FGGY: variants seen among roughly 807,000 people sequenced by gnomAD.
FGGY encodes FGGY carbohydrate kinase domain-containing protein.
Under a neutral mutation model 71.3 loss-of-function variants are expected in FGGY, and 72 were observed. The observed-to-expected ratio is 1.01, with a 90% CI of 0.84 to 1.23. The LOEUF is 1.23. Among genes scored for constraint, FGGY ranks in the 50% most tolerant of loss-of-function variants. FGGY has a pLI of 0.00. For synonymous variants in FGGY, 251 were observed against 250.3 expected (o/e 1.00, Z -0.02); for missense variants, 668 against 682.3 (o/e 0.98, Z 0.23).
intron 14 of FGGY, chr1:59,698,662 C>T (rs2097684679): frequency 4.0e-6 from 3 of 742,200 alleles, no homozygotes; most frequent in Middle Eastern, 6.9e-4. Context: ...TGACCCACCT[C>T]TCCCCTTTCT....
intron 6 of FGGY, among the ~76,000 whole-genome samples, chr1:59,509,465 A>G (rs547229178): frequency 3.9e-5 from 6 of 152,204 alleles, no homozygotes; most frequent in Admixed American, 3.3e-4. Context: ...GGGCTTCATG[A>G]TTAAGTTCAA....
At chr1:59,333,021 G>T (rs891447650) in intron 2 of FGGY, among the ~76,000 whole-genome samples, 1 of 152,192 alleles carries the variant, frequency 6.6e-6, no homozygotes, top group African/African-American at 2.4e-5. Context: ...TACTTGGGAG[G>T]TATCTCTCAC....
chr1:59,605,197 C>T (rs1177536948), intron 8 of FGGY, among the ~76,000 whole-genome samples: 2 of 152,168 alleles, frequency 1.3e-5, no homozygotes, highest in Non-Finnish European at 2.9e-5. Context: ...TCTCTTACTA[C>T]CTTTTGGCTT....
intron 14 of FGGY, among the ~76,000 whole-genome samples, chr1:59,731,875 T>C (rs551195300): frequency 1.6e-4 from 25 of 152,280 alleles, no homozygotes; most frequent in Admixed American, 9.2e-4. Context: ...CTCTTCCCAA[T>C]GCCCTGTTTA....
chr1:59,440,001 T>C (rs1018889600), intron 5 of FGGY, among the ~76,000 whole-genome samples: 2 of 151,534 alleles, frequency 1.3e-5, no homozygotes, highest in Admixed American at 1.3e-4. Flanking sequence ...GTGGTATCTT[T>C]TAAAGCCTGC....
chr1:59,548,547 G>T (rs999733993), intron 7 of FGGY, among the ~76,000 whole-genome samples: 3 of 152,164 alleles, frequency 2.0e-5, no homozygotes, highest in African/African-American at 7.2e-5. Context: ...TAACTCTGAA[G>T]AAGTAGATAA....
At chr1:59,359,646 A>T (rs2055024883) in intron 4 of FGGY, among the ~76,000 whole-genome samples, 1 of 152,106 alleles carries the variant, frequency 6.6e-6, no homozygotes, top group South Asian at 2.1e-4. Flanking sequence ...CAGAATGGCC[A>T]CTCTGGATTC....
intron 6 of FGGY, among the ~76,000 whole-genome samples, chr1:59,468,789 G>A (rs778313581): frequency 4.6e-5 from 7 of 151,268 alleles, no homozygotes; most frequent in East Asian, 3.9e-4. Flanking sequence ...GGAGAATGGC[G>A]TGAACATGGG....
chr1:59,544,684 CACCTT>C (rs1179949390), intron 7 of FGGY, among the ~76,000 whole-genome samples: 4 of 152,122 alleles, frequency 2.6e-5, no homozygotes, highest in Non-Finnish European at 4.4e-5. Context: ...CCATTATTTC[CACCTT>C]ACAAGTGAGA....
intron 11 of FGGY, among the ~76,000 whole-genome samples, chr1:59,658,161 A>G (rs2097239343): frequency 6.6e-6 from 1 of 152,156 alleles, no homozygotes; most frequent in Non-Finnish European, 1.5e-5. Context: ...AGACGAGCAA[A>G]GACCATCAGA....
intron 8 of FGGY, among the ~76,000 whole-genome samples, chr1:59,601,503 T>C (rs1267414535): frequency 6.6e-6 from 1 of 152,202 alleles, no homozygotes; most frequent in African/African-American, 2.4e-5. Context: ...CTCCATCATT[T>C]CTGATCTTTA....
At chr1:59,304,901 A>G (rs1413136523) in intron 1 of FGGY, among the ~76,000 whole-genome samples, 1 of 151,944 alleles carries the variant, frequency 6.6e-6, no homozygotes, top group Non-Finnish European at 1.5e-5. Flanking sequence ...GCTTTTTGTT[A>G]TGTTGATTTT....
intron 4 of FGGY, among the ~76,000 whole-genome samples, chr1:59,347,405 G>A (rs2052286292): frequency 1.3e-5 from 2 of 152,042 alleles, no homozygotes; most frequent in African/African-American, 4.8e-5. Context: ...CTTCATGCAT[G>A]TCCCTACAAA....
chr1:59,635,291 A>G (rs2096946618), intron 10 of FGGY, among the ~76,000 whole-genome samples: 1 of 152,212 alleles, frequency 6.6e-6, no homozygotes, highest in African/African-American at 2.4e-5. Flanking sequence ...AAGAATAAAC[A>G]TACAGCTGCA....
In FGGY at chr1:59,660,270, C is replaced by T; in HGVS notation, c.1273C>T (p.Leu425=). The change falls in exon 12 of 16, where the codon CTG becomes TTG. Residue 425 remains leucine, a synonymous_variant. Coordinates refer to ENST00000303721, the MANE Select transcript of FGGY (RefSeq NM_018291.5). The stretch of plus-strand genomic sequence containing the variant: ...CCTTGATGATCTTGCCATTCTCTAC[C>T]TGGCCACAGTTCAAGCCATTGCTGT... ...QDLDDLAILY[L]ATVQAIALGT... is the part of the protein sequence containing the mutation. The T allele has an allele frequency of 1.9e-6, 3 of 1,613,388 alleles. No homozygotes were observed. The highest frequency in any genetic ancestry group is 2.5e-6 in the Non-Finnish European group (3 of 1,179,984).
intron 14 of FGGY, among the ~76,000 whole-genome samples, chr1:59,679,027 C>T (rs1391150304): frequency 6.6e-6 from 1 of 152,162 alleles, no homozygotes; most frequent in African/African-American, 2.4e-5. Flanking sequence ...TCTTCAAGAC[C>T]AATACATGTA....
chr1:59,434,959 A>G (rs2068117967), intron 5 of FGGY, among the ~76,000 whole-genome samples: 1 of 152,232 alleles, frequency 6.6e-6, no homozygotes, highest in African/African-American at 2.4e-5. Flanking sequence ...AAGTCTTCAG[A>G]CAAAAATTTA....
chr1:59,385,201 T>C (rs1372665423), intron 5 of FGGY, among the ~76,000 whole-genome samples: 1 of 152,168 alleles, frequency 6.6e-6, no homozygotes, highest in Non-Finnish European at 1.5e-5. Flanking sequence ...TTTGTTTTTT[T>C]ACCCATTCTC....
At chr1:59,756,898 AT>A (rs71281846) in intron 14 of FGGY, among the ~76,000 whole-genome samples, 36 of 145,434 alleles carry the variant, frequency 2.5e-4, no homozygotes, top group Non-Finnish European at 3.0e-4. Context: ...TGGTATTCAG[AT>A]TTTTTTTTTT....
Sources: allele counts gnomAD v4.1 joint callset (sites outside exome capture counted in the v4.1 genomes callset), GRCh38; gene constraint gnomAD v4.1.1; transcripts MANE v1.5; gene names NCBI Gene and HGNC (gene_info 2026-07-23, HGNC 2026-07-21).